PTPRT: variants seen among roughly 807,000 people sequenced by gnomAD.
PTPRT encodes receptor-type tyrosine-protein phosphatase T.
Under a neutral mutation model 176.8 loss-of-function variants are expected in PTPRT, and 56 were observed. The ratio of observed to expected loss-of-function variants is 0.32; its 90% CI spans 0.26 to 0.40. The LOEUF (loss-of-function observed/expected upper bound fraction) is 0.40, where lower values mean the gene tolerates loss of function less well. Among genes scored for constraint, PTPRT ranks in the 10% least tolerant of loss-of-function variants. The probability of loss-of-function intolerance (pLI) is 1.00; values close to 1 mark genes in which losing one functional copy is unlikely to be tolerated. For synonymous variants in PTPRT, 783 were observed against 739.0 expected (o/e 1.06, Z -0.96); for missense variants, 1,540 against 1,908.2 (o/e 0.81, Z 3.60).
At chr20:43,047,443 C>A (rs901764862) in intron 1 of PTPRT, among the ~76,000 whole-genome samples, 2 of 152,046 alleles carry the variant, frequency 1.3e-5, no homozygotes, top group African/African-American at 2.4e-5. Context: ...GTTCTTGGTT[C>A]TTGGGTCGCT....
At chr20:43,155,046 G>C (rs2014478549) in intron 1 of PTPRT, among the ~76,000 whole-genome samples, 1 of 152,144 alleles carries the variant, frequency 6.6e-6, no homozygotes, top group African/African-American at 2.4e-5. Flanking sequence ...AATGACGAAA[G>C]AGAAGTGTTA....
chr20:42,449,363 G>A (rs867102956), intron 8 of PTPRT, among the ~76,000 whole-genome samples: 1 of 152,168 alleles, frequency 6.6e-6, no homozygotes, highest in African/African-American at 2.4e-5. Flanking sequence ...CCTCCTGCTG[G>A]ATTTCACTAT....
intron 1 of PTPRT, among the ~76,000 whole-genome samples, chr20:42,893,188 A>G (rs531963652): frequency 0.023 from 3,468 of 152,298 alleles, 74 homozygotes; most frequent in African/African-American, 0.057. Flanking sequence ...ACCCCATCAC[A>G]AAGTGGCCAA....
chr20:42,292,510 G>A (rs151262966), intron 12 of PTPRT, among the ~76,000 whole-genome samples: 421 of 152,096 alleles, frequency 2.8e-3, no homozygotes, highest in South Asian at 0.016. Context: ...AGGTGGATAC[G>A]ACAATGTCCA....
intron 6 of PTPRT, among the ~76,000 whole-genome samples, chr20:42,713,481 A>G (rs999444018): frequency 6.6e-6 from 1 of 152,176 alleles, no homozygotes; most frequent in African/African-American, 2.4e-5. Context: ...CTCTATTCCC[A>G]GTATACATTG....
intron 7 of PTPRT, among the ~76,000 whole-genome samples, chr20:42,511,466 G>T (rs973208453): frequency 6.6e-6 from 1 of 151,870 alleles, no homozygotes; most frequent in Non-Finnish European, 1.5e-5. Flanking sequence ...TTGATTGAAG[G>T]CTTTCACCAA....
At chr20:42,925,043 T>C (rs975520169) in intron 1 of PTPRT, among the ~76,000 whole-genome samples, 2 of 152,138 alleles carry the variant, frequency 1.3e-5, no homozygotes, top group Non-Finnish European at 2.9e-5. Context: ...AGAAGCGCCA[T>C]CCTAAATGAA....
At chr20:42,682,841 G>C (rs539490118) in intron 6 of PTPRT, among the ~76,000 whole-genome samples, 1 of 152,300 alleles carries the variant, frequency 6.6e-6, no homozygotes, top group East Asian at 1.9e-4. Flanking sequence ...GAACAATTCT[G>C]TCTTTCTTTT....
intron 9 of PTPRT, among the ~76,000 whole-genome samples, chr20:42,424,912 A>G (rs1396507040): frequency 6.6e-6 from 1 of 151,264 alleles, no homozygotes; most frequent in Non-Finnish European, 1.5e-5. Flanking sequence ...TGCGTGGAAA[A>G]AGATGGATTT....
chr20:43,152,095 A>G (rs2014373765), intron 1 of PTPRT, among the ~76,000 whole-genome samples: 1 of 152,176 alleles, frequency 6.6e-6, no homozygotes, highest in Non-Finnish European at 1.5e-5. Flanking sequence ...CATGGAAACA[A>G]CTATTTCATC....
intron 6 of PTPRT, among the ~76,000 whole-genome samples, chr20:42,698,007 G>GAA (rs1195912904): frequency 2.0e-5 from 3 of 152,170 alleles, no homozygotes; most frequent in African/African-American, 7.2e-5. Context: ...TTTAAAAAAA[G>GAA]AATTGATCTC....
intron 6 of PTPRT, among the ~76,000 whole-genome samples, chr20:42,697,412 A>G (rs974665160): frequency 6.6e-6 from 1 of 152,228 alleles, no homozygotes; most frequent in Admixed American, 6.5e-5. Context: ...CATTTTATAC[A>G]TTTCCTCTGT....
At chr20:43,132,727 C>G (rs1053811076) in intron 1 of PTPRT, among the ~76,000 whole-genome samples, 2 of 152,060 alleles carry the variant, frequency 1.3e-5, no homozygotes, top group Admixed American at 6.5e-5. Context: ...ATAAAATAAC[C>G]AAACTAGACA....
chr20:43,081,420 GT>G (rs1240053994), intron 1 of PTPRT, among the ~76,000 whole-genome samples: 15 of 152,166 alleles, frequency 9.9e-5, no homozygotes, highest in African/African-American at 3.6e-4. Context: ...CTATACATTT[GT>G]TTATATACAG....
At chr20:42,387,396 C>A (rs942845275) in intron 9 of PTPRT, among the ~76,000 whole-genome samples, 1 of 152,204 alleles carries the variant, frequency 6.6e-6, no homozygotes, top group Non-Finnish European at 1.5e-5. Flanking sequence ...TCAGCACAAG[C>A]AGGCTGGCTA....
chr20:42,084,691 AC>A lies in PTPRT; in HGVS notation c.4126del (p.Val1376SerfsTer4). On this transcript the variant is annotated frameshift_variant, in exon 29 of 31. Coordinates refer to ENST00000373187, the MANE Select transcript of PTPRT (RefSeq NM_007050.6). LOFTEE classifies it high-confidence loss of function. ...CCTCCCTAGTACTCACAGGCAGTGG[AC>A]CACAGTACGTCCCTCCCTCCCGTCA... ...QYDGREGRTVVHCLNGGGRSG... is the reference protein window; with the variant it reads ...QYDGREGRTVXHCLNGGGRSG... 1 of 1,525,106 alleles carries A rather than the reference AC, an allele frequency of 6.6e-7. No individual in the cohort carries two copies. Among genetic ancestry groups the A allele is most frequent in the Admixed American group, 1.8e-5 (1 of 54,710 alleles). The allele number at this position is 1,525,106 out of a possible 1,614,324, so 94.5% of individuals were successfully genotyped here.
intron 6 of PTPRT, among the ~76,000 whole-genome samples, chr20:42,709,308 C>T (rs1190148110): frequency 6.6e-6 from 1 of 152,164 alleles, no homozygotes; most frequent in African/African-American, 2.4e-5. Flanking sequence ...GAGGTGGGAC[C>T]TGGTGGAAGG....
At chr20:42,883,691 A>AATG (rs1568658064) in intron 2 of PTPRT, among the ~76,000 whole-genome samples, 1 of 8,406 alleles carries the variant, frequency 1.2e-4, no homozygotes, top group African/African-American at 4.7e-4. Context: ...ACACACACAC[A>AATG]CACCTCCCAT....
At chr20:42,209,540 A>G (rs1456578436) in intron 15 of PTPRT, among the ~76,000 whole-genome samples, 1 of 152,224 alleles carries the variant, frequency 6.6e-6, no homozygotes, top group Non-Finnish European at 1.5e-5. Flanking sequence ...TGAACTAGAA[A>G]ATCTAGAAGA....
Sources: gnomAD v4.1 joint callset for allele counts (sites outside exome capture counted in the v4.1 genomes callset) on GRCh38, gnomAD v4.1.1 for gene constraint, MANE v1.5 for transcripts, NCBI Gene and HGNC (gene_info 2026-07-23, HGNC 2026-07-21) for gene names.